The following STARD7 variants were observed in gnomAD, a reference collection of about 807,000 sequenced individuals.
STARD7 encodes StAR related lipid transfer domain containing 7.
In STARD7, 30 loss-of-function variants were observed where a neutral mutation model predicts 45.3. That is an observed-to-expected ratio of 0.66 (90% CI 0.50 to 0.90). The LOEUF is 0.90. STARD7 is among the 40% of genes least tolerant of loss of function. The probability of loss-of-function intolerance (pLI) is 0.00; values close to 1 mark genes in which losing one functional copy is unlikely to be tolerated. For missense variants in STARD7, 495 were observed against 491.3 expected (o/e 1.01, Z -0.07); for synonymous variants, 199 against 183.0 (o/e 1.09, Z -0.70).
chr2:96,199,030 A>T (rs1558736436), intron 1 of STARD7, among the ~76,000 whole-genome samples: 2 of 152,200 alleles, frequency 1.3e-5, no homozygotes. Flanking sequence ...TTATTCTAAC[A>T]ATCTAGATGT....
chr2:96,203,420 C>T (rs941733463), intron 1 of STARD7, among the ~76,000 whole-genome samples: 4 of 152,116 alleles, frequency 2.6e-5, no homozygotes, highest in Non-Finnish European at 5.9e-5. Context: ...AAGGCTGGAC[C>T]GAAAGCTATA....
chr2:96,188,638 CT>C (rs1489050576), intron 6 of STARD7, among the ~76,000 whole-genome samples: 1 of 151,534 alleles, frequency 6.6e-6, no homozygotes, highest in Non-Finnish European at 1.5e-5. Context: ...AATCTCAGCA[CT>C]TTGGGAGGCT....
chr2:96,197,741 C>T (rs1038382158), intron 1 of STARD7, among the ~76,000 whole-genome samples: 1 of 152,200 alleles, frequency 6.6e-6, no homozygotes, highest in South Asian at 2.1e-4. Context: ...CCATTCCTGC[C>T]TCCTCCCAGT....
At chr2:96,197,113 A>AC in intron 1 of STARD7, among the ~76,000 whole-genome samples, 1 of 148,480 alleles carries the variant, frequency 6.7e-6, no homozygotes, top group Non-Finnish European at 1.5e-5. Flanking sequence ...AAATAAAATA[A>AC]AATAAAATAA....
intron 1 of STARD7, among the ~76,000 whole-genome samples, chr2:96,200,804 C>T (rs933867714): frequency 6.6e-6 from 1 of 152,146 alleles, no homozygotes; most frequent in African/African-American, 2.4e-5. Flanking sequence ...GCGTGTGCTA[C>T]CATACCCAGC....
chr2:96,205,356 A>G (rs573202742), intron 1 of STARD7, among the ~76,000 whole-genome samples: 74 of 152,252 alleles, frequency 4.9e-4, no homozygotes, highest in African/African-American at 1.7e-3. Flanking sequence ...TAAGGAAAAC[A>G]CATGCCACTT....
chr2:96,193,581 T>G (rs529819787), intron 3 of STARD7, among the ~76,000 whole-genome samples: 1 of 152,338 alleles, frequency 6.6e-6, no homozygotes, highest in Admixed American at 6.5e-5. Flanking sequence ...GAATCTTCAT[T>G]AGACAAACCA....
chr2:96,204,143 C>T (rs1683350216), intron 1 of STARD7, among the ~76,000 whole-genome samples: 1 of 151,992 alleles, frequency 6.6e-6, no homozygotes, highest in Non-Finnish European at 1.5e-5. Context: ...CGCTGTAGAC[C>T]CAGCCACTGG....
intron 1 of STARD7, among the ~76,000 whole-genome samples, chr2:96,197,209 G>A (rs769307513): frequency 3.3e-5 from 5 of 151,494 alleles, no homozygotes; most frequent in African/African-American, 1.2e-4. Flanking sequence ...GTTCGAGACC[G>A]GCCTGGGAAA....
At chr2:96,195,184 C>G in intron 2 of STARD7, 157 bp downstream of exon 2, 2 of 822,394 alleles carry the variant, frequency 2.4e-6, no homozygotes, top group Non-Finnish European at 3.8e-6. Context: ...AAAGACAACA[C>G]TGAGACATTT....
chr2:96,208,630 T>C lies in STARD7; in HGVS notation c.-196A>G. 1 of 479,458 alleles carries C rather than the reference T, an allele frequency of 2.1e-6. No individual in the cohort carries two copies. The highest frequency in any genetic ancestry group is 3.6e-6 in the Non-Finnish European group (1 of 279,280). 29.7% of individuals were successfully genotyped at this position (479,458 alleles called of 1,614,324 possible). ...TCTCCTCTGAGGGGAGAGTCGGTCA[T>C]GGCAGCAGACGCCGGGATGGCTCCG... is the stretch of plus-strand genomic sequence containing the variant. On this transcript the variant is annotated 5_prime_UTR_variant, in exon 1 of 8. It removes an upstream start codon present in the reference 5' UTR. Coordinates refer to ENST00000337288, the MANE Select transcript of STARD7 (RefSeq NM_020151.4).
intron 1 of STARD7, among the ~76,000 whole-genome samples, chr2:96,200,752 G>A (rs1158869623): frequency 2.0e-5 from 3 of 152,098 alleles, no homozygotes; most frequent in Non-Finnish European, 2.9e-5. Context: ...CTGGGCTTAA[G>A]AGATCCTTTC....
In STARD7 at chr2:96,208,400, G is replaced by A; in HGVS notation, c.35C>T (p.Ala12Val). The A allele has an allele frequency of 1.4e-6, 2 of 1,447,232 alleles. No homozygotes were observed. The highest frequency in any genetic ancestry group is 1.4e-5 in the South Asian group (1 of 72,046). The allele number at this position is 1,447,232 out of a possible 1,614,324, so 89.6% of individuals were successfully genotyped here. ...CAGCAGGCCCCCGCCCCGCGTCCCC[G>A]CCAGCCAGGCGGCCAGCAGCCTCCG... is the stretch of plus-strand genomic sequence containing the variant. ...LPRRLLAAWL[A>V]GTRGGGLLAL... Residue 12 changes from alanine to valine, a missense_variant, in exon 1 of 8, where the codon GCG becomes GTG. Ala to Val is a moderately conservative substitution (Grantham distance 64). Around this residue, in one of 2 missense-constraint regions of STARD7, gnomAD observed 282 missense variants for 220.1 expected, o/e 1.28. Transcript: ENST00000337288.
rs1683039197 is a variant in STARD7 at position 96,186,514 on chromosome 2, G to A, written c.*216C>T. The A allele has an allele frequency of 2.4e-6, 1 of 422,090 alleles. No individual in the cohort carries two copies. The highest frequency in any genetic ancestry group is 2.0e-5 in the African/African-American group (1 of 49,000). 26.1% of individuals were successfully genotyped at this position (422,090 alleles called of 1,614,324 possible). On this transcript the variant is annotated 3_prime_UTR_variant, in exon 8 of 8. Transcript: ENST00000337288. ...CCGAATTTCAAAACAGTTGGCCTGA[G>A]AATATGACAACACTCCCACAAATGT...
rs376554801 is a variant in STARD7 at position 96,195,559 on chromosome 2, G to C, written c.291-10C>G. Reference sequence around the variant, plus strand: ...CATCTCATTAATAGATCTGTAAAGGGGAAAAAGAGCCATGGTGAGGTGGTT... The same window carrying C: ...CATCTCATTAATAGATCTGTAAAGGCGAAAAAGAGCCATGGTGAGGTGGTT... On this transcript the variant is annotated splice_polypyrimidine_tract_variant and intron_variant, in intron 1 of 7. Transcript: ENST00000337288. 7.5e-6 allele frequency: 12 copies of C among 1,607,330 alleles called. No individual in the cohort carries two copies. The highest frequency in any genetic ancestry group is 9.4e-6 in the Non-Finnish European group (11 of 1,175,484).
intron 1 of STARD7, among the ~76,000 whole-genome samples, chr2:96,206,758 G>A (rs930230324): frequency 8.5e-5 from 11 of 129,288 alleles, no homozygotes; most frequent in African/African-American, 3.0e-4. Flanking sequence ...CCTAGATCGC[G>A]CCACTGCACT....
intron 1 of STARD7, among the ~76,000 whole-genome samples, chr2:96,202,806 G>A (rs566435627): frequency 5.3e-5 from 8 of 152,138 alleles, no homozygotes; most frequent in East Asian, 1.9e-4. Flanking sequence ...GTGGAATGTC[G>A]TACTAAAACA....
chr2:96,201,431 C>T (rs1395718419), intron 1 of STARD7, among the ~76,000 whole-genome samples: 1 of 115,844 alleles, frequency 8.6e-6, no homozygotes, highest in Non-Finnish European at 1.9e-5. Flanking sequence ...AAAAAAATTA[C>T]ACAACAAATA....
intron 1 of STARD7, among the ~76,000 whole-genome samples, chr2:96,206,365 T>C (rs1683389296): frequency 6.6e-6 from 1 of 152,292 alleles, no homozygotes; most frequent in East Asian, 1.9e-4. Context: ...CTCTCTTTTG[T>C]ACCCAGTAGC....
Sources: gnomAD v4.1 joint callset for allele counts (sites outside exome capture counted in the v4.1 genomes callset) on GRCh38, gnomAD v4.1.1 for gene constraint, gnomAD v4.1.1 regional missense constraint, MANE v1.5 for transcripts, NCBI Gene and HGNC (gene_info 2026-07-23, HGNC 2026-07-21) for gene names.